The following VAMP7 variants were observed in gnomAD, a reference collection of about 807,000 sequenced individuals.
VAMP7 encodes vesicle-associated membrane protein 7.
A neutral mutation model predicts 29.6 loss-of-function variants in VAMP7; 14 were observed. That is an observed-to-expected ratio of 0.47 (90% CI 0.31 to 0.74). The LOEUF is 0.74. Ranked by LOEUF, VAMP7 falls within the 30% of genes least tolerant of loss-of-function variation. VAMP7 has a pLI of 0.05. For missense variants in VAMP7, 223 were observed against 262.4 expected, an observed-to-expected ratio of 0.85 and a Z score of 1.04; for synonymous variants, 95 against 88.1, an observed-to-expected ratio of 1.08 and a Z score of -0.44.
intron 5 of VAMP7, among the ~76,000 whole-genome samples, chrX:155,911,581 G>A (rs1168627098): frequency 7.9e-5 from 12 of 152,002 alleles, no homozygotes; most frequent in Non-Finnish European, 1.0e-4. Flanking sequence ...TATGATCCAT[G>A]ACCATAAGAT....
chrX:155,943,583 A>T lies in VAMP7; in HGVS notation c.*1632A>T, dbSNP rs1454899809. 6.6e-6 allele frequency: 1 copy of T among 152,186 alleles called. No homozygotes were observed. Among genetic ancestry groups the T allele is most frequent in the Non-Finnish European group, 1.5e-5 (1 of 68,026 alleles). The allele number at this position is 152,186 out of a possible 1,614,324, so 9.4% of individuals were successfully genotyped here. A position where few individuals can be genotyped will look rare whatever the true frequency, so the allele number is the denominator to read the frequency against. ...TTTCCAAATGTTTTTAATCCAAAGA[A>T]AAAGGTTTAAAGCTTATTTCCCTTT... On this transcript the variant is annotated 3_prime_UTR_variant, in exon 8 of 8. Transcript: ENST00000286448.
At chrX:155,918,294 G>GC (rs35001041) in intron 5 of VAMP7, among the ~76,000 whole-genome samples, 151,997 of 152,002 alleles carry the variant, frequency 1, 75,996 homozygotes, top group Non-Finnish European at 1. Flanking sequence ...CCTGGCTTCA[G>GC]CCCCTTTCCA....
intron 1 of VAMP7, among the ~76,000 whole-genome samples, chrX:155,888,968 A>G (rs1324445237): frequency 6.6e-6 from 1 of 152,202 alleles, no homozygotes; most frequent in Non-Finnish European, 1.5e-5. Context: ...AAGTATTTAA[A>G]ATGGTACCTG....
Position 155,941,927 on chromosome X carries a change from A to T in VAMP7, c.639A>T (p.Thr213=). The T allele has an allele frequency of 6.2e-7, 1 of 1,613,806 alleles. No individual in the cohort carries two copies. Among genetic ancestry groups the T allele is most frequent in the Admixed American group, 1.7e-5 (1 of 59,976 alleles). Residue 213 remains threonine, a synonymous_variant, in exon 8 of 8, where the codon ACA becomes ACT. Transcript: ENST00000286448. The stretch of plus-strand genomic sequence containing the variant: ...TTTCACCTCTCTGTGGTGGATTTAC[A>T]TGGCCAAGCTGTGTGAAGAAATAGG... ...IIVSPLCGGF[T]WPSCVKK
chrX:155,884,180 T>C (rs991056643), intron 1 of VAMP7, among the ~76,000 whole-genome samples: 12 of 151,810 alleles, frequency 7.9e-5, no homozygotes, highest in African/African-American at 2.9e-4. Context: ...CAGGCTGGAG[T>C]GCAATGGCAT....
intron 6 of VAMP7, among the ~76,000 whole-genome samples, chrX:155,933,593 C>A (rs951083206): frequency 6.6e-6 from 1 of 152,118 alleles, no homozygotes; most frequent in Non-Finnish European, 1.5e-5. Context: ...ATTCTTCTCT[C>A]TTTTCTTCTT....
At chrX:155,895,364 C>T (rs2065973751) in intron 2 of VAMP7, among the ~76,000 whole-genome samples, 1 of 152,162 alleles carries the variant, frequency 6.6e-6, no homozygotes, top group Admixed American at 6.6e-5. Flanking sequence ...TATGCTTTTG[C>T]AGCTATCGTT....
rs1195549080 is a variant in VAMP7, at chrX:155,894,301, G to GTTTT, written c.147-1303_147-1300dup. Among the ~76,000 whole-genome samples the GTTTT allele has an allele frequency of 2.9e-3, 185 of 64,852 alleles. 1 individual carries two copies. The highest frequency in any genetic ancestry group is 8.3e-3 in the African/African-American group (147 of 17,616). 42.5% of individuals were successfully genotyped at this position (64,852 alleles called of 152,430 possible). ...CCGCACTCTAGCCAATGTGTCCTTT[G>GTTTT]TTTTTTTTTTTTTTTTTTTTTTAAT... On this transcript the variant is annotated intron_variant, in intron 2 of 7. Transcript: ENST00000286448.
At chrX:155,900,644 CTGGG>C in intron 5 of VAMP7, 57 bp downstream of exon 5, 2 of 1,466,544 alleles carry the variant, frequency 1.4e-6, no homozygotes, top group Non-Finnish European at 1.9e-6. Context: ...GATTACTTGA[CTGGG>C]GTCAAATTAT....
chrX:155,887,045 T>C (rs1410773271), intron 1 of VAMP7, among the ~76,000 whole-genome samples: 2 of 152,184 alleles, frequency 1.3e-5, no homozygotes, highest in Non-Finnish European at 2.9e-5. Context: ...CCCTAAGCAA[T>C]GACCTCCTTC....
At chrX:155,893,919 A>G (rs2065954333) in intron 2 of VAMP7, among the ~76,000 whole-genome samples, 2 of 152,372 alleles carry the variant, frequency 1.3e-5, no homozygotes, top group Non-Finnish European at 2.9e-5. Flanking sequence ...AGAGAGAGCC[A>G]CTGGATATGG....
intron 5 of VAMP7, among the ~76,000 whole-genome samples, chrX:155,918,320 A>T (rs1021285337): frequency 6.6e-6 from 1 of 151,646 alleles, no homozygotes; most frequent in East Asian, 1.9e-4. Context: ...GTGAACAGTT[A>T]TGTCTCACTG....
intron 7 of VAMP7, among the ~76,000 whole-genome samples, chrX:155,940,673 G>A (rs1255142874): frequency 6.6e-6 from 1 of 152,124 alleles, no homozygotes; most frequent in African/African-American, 2.4e-5. Flanking sequence ...TTGCGAAAAG[G>A]TGTTGTCACC....
chrX:155,925,185 A>G (rs912016058), intron 6 of VAMP7, among the ~76,000 whole-genome samples: 8 of 152,052 alleles, frequency 5.3e-5, no homozygotes, highest in Non-Finnish European at 7.4e-5. Flanking sequence ...TTTCTTCCAA[A>G]CACCTGTTAA....
intron 6 of VAMP7, among the ~76,000 whole-genome samples, chrX:155,933,127 G>A (rs1389970766): frequency 2.0e-5 from 3 of 152,106 alleles, no homozygotes; most frequent in Non-Finnish European, 4.4e-5. Context: ...GAAGATTTTT[G>A]CGTCGGTGTT....
At chrX:155,891,962 G>A (rs2065929901) in intron 2 of VAMP7, among the ~76,000 whole-genome samples, 1 of 152,144 alleles carries the variant, frequency 6.6e-6, no homozygotes, top group Non-Finnish European at 1.5e-5. Flanking sequence ...CAGTTCCTGG[G>A]AAAATGTCCA....
intron 4 of VAMP7, among the ~76,000 whole-genome samples, chrX:155,899,442 A>G (rs1569436947): frequency 6.6e-6 from 1 of 152,000 alleles, no homozygotes; most frequent in East Asian, 1.9e-4. Context: ...AGCTCTAGCT[A>G]TGATTTTGTT....
chrX:155,894,755 A>G, intron 2 of VAMP7, among the ~76,000 whole-genome samples: 1 of 152,124 alleles, frequency 6.6e-6, no homozygotes, highest in Non-Finnish European at 1.5e-5. Flanking sequence ...AGCTGGGACT[A>G]TAGGCGTGTG....
intron 6 of VAMP7, among the ~76,000 whole-genome samples, chrX:155,935,243 G>T (rs1371221863): frequency 6.6e-6 from 1 of 151,968 alleles, no homozygotes; most frequent in Admixed American, 6.6e-5. Flanking sequence ...TTGAATGTTG[G>T]CCTGCCTTGC....
Sources: allele counts gnomAD v4.1 joint callset (sites outside exome capture counted in the v4.1 genomes callset), GRCh38; gene constraint gnomAD v4.1.1; transcripts MANE v1.5; gene names NCBI Gene and HGNC (gene_info 2026-07-23, HGNC 2026-07-21).